The following CSNK1G3 variants were observed in gnomAD, a reference collection of about 807,000 sequenced individuals.
CSNK1G3 encodes the protein casein kinase 1 gamma 3.
A neutral mutation model predicts 64.3 loss-of-function variants in CSNK1G3; 23 were observed. That is an observed-to-expected ratio of 0.36 (90% CI 0.26 to 0.51). The LOEUF (loss-of-function observed/expected upper bound fraction) is 0.51, where lower values mean the gene tolerates loss of function less well. Among genes scored for constraint, CSNK1G3 ranks in the 20% least tolerant of loss-of-function variants. CSNK1G3 has a pLI of 0.96. For synonymous variants in CSNK1G3, 158 were observed against 162.2 expected, an observed-to-expected ratio of 0.97 and a Z score of 0.20; for missense variants, 357 against 510.5, an observed-to-expected ratio of 0.70 and a Z score of 2.90.
chr5:123,556,759 C>A (rs937857869), intron 3 of CSNK1G3, among the ~76,000 whole-genome samples: 1 of 114,654 alleles, frequency 8.7e-6, no homozygotes, highest in Non-Finnish European at 1.8e-5. Context: ...TTCCTCTGTA[C>A]ATGTTTGTGT....
At chr5:123,582,232 T>C (rs1790441561) in intron 6 of CSNK1G3, among the ~76,000 whole-genome samples, 1 of 152,138 alleles carries the variant, frequency 6.6e-6, no homozygotes, top group African/African-American at 2.4e-5. Flanking sequence ...AAGAGTAGAA[T>C]TTTTAAATAG....
intron 4 of CSNK1G3, among the ~76,000 whole-genome samples, chr5:123,571,417 G>A (rs1050198152): frequency 3.3e-5 from 5 of 152,178 alleles, no homozygotes; most frequent in Non-Finnish European, 7.4e-5. Flanking sequence ...CCGAGTAGCT[G>A]GGACTACAGT....
chr5:123,571,232 T>C (rs1788036954), intron 4 of CSNK1G3, among the ~76,000 whole-genome samples: 2 of 152,172 alleles, frequency 1.3e-5, no homozygotes, highest in Non-Finnish European at 2.9e-5. Flanking sequence ...GCAGTTTGAA[T>C]TTGTATCCAT....
At chr5:123,542,433 A>G (rs922887318) in intron 1 of CSNK1G3, among the ~76,000 whole-genome samples, 1 of 152,148 alleles carries the variant, frequency 6.6e-6, no homozygotes, top group Non-Finnish European at 1.5e-5. Flanking sequence ...TCCTAGTTTC[A>G]TTGCTCTTGA....
At chr5:123,531,860 T>C (rs192175071) in intron 1 of CSNK1G3, among the ~76,000 whole-genome samples, 1 of 152,062 alleles carries the variant, frequency 6.6e-6, no homozygotes, top group East Asian at 1.9e-4. Context: ...CAAGTAACTA[T>C]GTTACAAAAA....
At chr5:123,553,666 C>A (rs1784099817) in intron 3 of CSNK1G3, among the ~76,000 whole-genome samples, 1 of 152,180 alleles carries the variant, frequency 6.6e-6, no homozygotes, top group Admixed American at 6.5e-5. Context: ...GGAAAGCAAA[C>A]TCCCGTGGAA....
intron 1 of CSNK1G3, among the ~76,000 whole-genome samples, chr5:123,523,977 A>T (rs1778598504): frequency 6.6e-6 from 1 of 152,188 alleles, no homozygotes; most frequent in African/African-American, 2.4e-5. Context: ...CACCTGTCAA[A>T]AATCTCTAGA....
chr5:123,606,924 G>A (rs1454692795), intron 12 of CSNK1G3, among the ~76,000 whole-genome samples: 1 of 152,102 alleles, frequency 6.6e-6, no homozygotes, highest in Non-Finnish European at 1.5e-5. Flanking sequence ...TGATTAATAC[G>A]ATAAAAAAGG....
At chr5:123,550,899 T>C (rs993374263) in intron 2 of CSNK1G3, among the ~76,000 whole-genome samples, 1 of 152,210 alleles carries the variant, frequency 6.6e-6, no homozygotes, top group South Asian at 2.1e-4. Context: ...TTGTTTAATC[T>C]TTGTTCATAA....
intron 3 of CSNK1G3, among the ~76,000 whole-genome samples, chr5:123,557,179 AG>A (rs1301509911): frequency 3.3e-5 from 5 of 152,144 alleles, no homozygotes. Context: ...TTTGGAGAAC[AG>A]GAGAAATAGC....
intron 4 of CSNK1G3, among the ~76,000 whole-genome samples, chr5:123,566,153 T>C (rs1350519136): frequency 1.3e-5 from 2 of 152,230 alleles, no homozygotes; most frequent in Admixed American, 1.3e-4. Flanking sequence ...TTTAATAGTT[T>C]CTGTGTATTA....
chr5:123,568,355 A>C (rs964309050), intron 4 of CSNK1G3, among the ~76,000 whole-genome samples: 1 of 152,150 alleles, frequency 6.6e-6, no homozygotes, highest in African/African-American at 2.4e-5. Flanking sequence ...TTCTCGGTCC[A>C]ACCACTGGGC....
At chr5:123,578,737 C>A (rs1161613343) in intron 6 of CSNK1G3, among the ~76,000 whole-genome samples, 1 of 151,726 alleles carries the variant, frequency 6.6e-6, no homozygotes, top group African/African-American at 2.4e-5. Flanking sequence ...CTTCTAGAAG[C>A]TTTATAGTTT....
At chr5:123,521,166 C>G (rs1348625013) in intron 1 of CSNK1G3, among the ~76,000 whole-genome samples, 5 of 152,006 alleles carry the variant, frequency 3.3e-5, no homozygotes, top group Non-Finnish European at 7.4e-5. Context: ...TTTATAGATG[C>G]ATATTTTTTA....
chr5:123,556,055 CT>C (rs1352716315), intron 3 of CSNK1G3, among the ~76,000 whole-genome samples: 1 of 152,020 alleles, frequency 6.6e-6, no homozygotes, highest in East Asian at 1.9e-4. Context: ...AGTCACACAG[CT>C]AGAAATAGAG....
intron 6 of CSNK1G3, 47 bp from the exon 7 acceptor site, chr5:123,588,021 C>G: frequency 8.1e-7 from 1 of 1,237,134 alleles, no homozygotes; most frequent in Non-Finnish European, 1.1e-6. Context: ...TTCTTCCATT[C>G]TTAACTGTTA....
At chr5:123,614,291 T>G in intron 12 of CSNK1G3, 51 bp from the exon 14 acceptor site, 1 of 1,558,502 alleles carries the variant, frequency 6.4e-7, no homozygotes. Context: ...CAGTCAACTT[T>G]GTGATATTTT....
At chr5:123,557,524 A>G (rs894018748) in exon 4 of CSNK1G3, 4 of 1,608,260 alleles carry the variant, frequency 2.5e-6, no homozygotes, top group Admixed American at 1.7e-5. Context: ...CACCACAGCT[A>G]CATTTGGAAT....
Position 123,547,887 on chromosome 5 carries a change from A to G in CSNK1G3, c.178+2046A>G, listed in dbSNP as rs182675057. On this transcript the variant is annotated intron_variant, in intron 2 of 12. Transcript: ENST00000345990. ...ATGGTTTCTTTGTTAAGAAAATGTT[A>G]TTATGAGCATTAATCTTTCTATACC... Among the ~76,000 whole-genome samples, 96 of 152,270 alleles carry G rather than the reference A, an allele frequency of 6.3e-4. 2 individuals carry two copies. Among genetic ancestry groups the G allele is most frequent in the Admixed American group, 3.4e-3 (52 of 15,276 alleles).
Sources: gnomAD v4.1 joint callset for allele counts (sites outside exome capture counted in the v4.1 genomes callset) on GRCh38, gnomAD v4.1.1 for gene constraint, MANE v1.5 for transcripts, NCBI Gene and HGNC (gene_info 2026-07-23, HGNC 2026-07-21) for gene names.